The following PRELID2 variants were observed in gnomAD, a reference collection of about 807,000 sequenced individuals.
PRELID2 encodes the protein PRELI domain-containing protein 2.
A neutral mutation model predicts 28.4 loss-of-function variants in PRELID2; 25 were observed. The observed-to-expected ratio is 0.88, with a 90% CI of 0.64 to 1.23. The LOEUF (loss-of-function observed/expected upper bound fraction) is 1.23, where lower values mean the gene tolerates loss of function less well. PRELID2 is among the 50% of genes most tolerant of loss of function. The pLI, the probability that PRELID2 is intolerant of heterozygous loss-of-function variation, is 0.00. For missense variants in PRELID2, 201 were observed against 214.4 expected, an observed-to-expected ratio of 0.94 and a Z score of 0.39; for synonymous variants, 76 against 71.6, an observed-to-expected ratio of 1.06 and a Z score of -0.31.
In PRELID2 at chr5:145,823,077, C is replaced by G. The variant is rs1754940934; in HGVS notation, c.133G>C (p.Asp45His). 1 of 1,495,530 alleles carries G rather than the reference C, an allele frequency of 6.7e-7. No individual in the cohort carries two copies. The highest frequency in any genetic ancestry group is 1.1e-5 in the South Asian group (1 of 88,550). The allele number at this position is 1,495,530 out of a possible 1,614,324, so 92.6% of individuals were successfully genotyped here. The change falls in exon 2 of 7, where the codon GAT becomes CAT. Residue 45 changes from aspartate to histidine, a missense_variant and splice_region_variant. Physicochemically the swap from Asp to His is moderately conservative, Grantham distance 81. Coordinates refer to ENST00000683046, the MANE Select transcript of PRELID2 (RefSeq NM_205846.3). ...ISVKIMEEKR[D>H]ESTGVIYRKR... Reference sequence around the variant, plus strand: ...TGAAAAAACTGTACAGAGAACTTACCTCTTTTTTCCTCCATGATTTTTACT... The same window carrying G: ...TGAAAAAACTGTACAGAGAACTTACGTCTTTTTTCCTCCATGATTTTTACT...
chr5:145,580,275 A>G (rs1214915190), intron 1 of PRELID2, among the ~76,000 whole-genome samples: 1 of 152,088 alleles, frequency 6.6e-6, no homozygotes, highest in African/African-American at 2.4e-5. Context: ...TGTTGTCAGA[A>G]GGAGAGTTAT....
intron 1 of PRELID2, among the ~76,000 whole-genome samples, chr5:145,530,885 T>G (rs1752649534): frequency 6.6e-6 from 1 of 152,010 alleles, no homozygotes; most frequent in Admixed American, 6.6e-5. Flanking sequence ...CCGCTAATAC[T>G]CCATCTTGAG....
intron 1 of PRELID2, among the ~76,000 whole-genome samples, chr5:145,654,858 T>C (rs190852968): frequency 0.016 from 2,450 of 152,230 alleles, 69 homozygotes; most frequent in African/African-American, 0.056. Context: ...ATGCCCTCTC[T>C]CGCCACTCCT....
the PRELID2 span, among the ~76,000 whole-genome samples, chr5:145,386,279 A>AC: frequency 1.3e-5 from 2 of 151,752 alleles, no homozygotes; most frequent in Non-Finnish European, 2.9e-5. Flanking sequence ...GGAGGTAACC[A>AC]CCCCCATGAT....
chr5:145,761,484 C>A (rs942173158), intron 6 of PRELID2, among the ~76,000 whole-genome samples: 3 of 152,182 alleles, frequency 2.0e-5, no homozygotes, highest in African/African-American at 4.8e-5. Flanking sequence ...GAAAAACAAA[C>A]TGTCAAACTA....
intron 1 of PRELID2, among the ~76,000 whole-genome samples, chr5:145,636,614 C>T (rs913749504): frequency 1.3e-5 from 2 of 152,224 alleles, no homozygotes; most frequent in African/African-American, 4.8e-5. Context: ...ACTGGCACAG[C>T]CAGTTCTCAG....
At chr5:145,265,376 G>GA in the PRELID2 span, among the ~76,000 whole-genome samples, 1 of 152,000 alleles carries the variant, frequency 6.6e-6, no homozygotes. Flanking sequence ...TTAACATTGT[G>GA]AAAATGACCA....
At chr5:145,639,150 G>A (rs1045238970) in intron 1 of PRELID2, among the ~76,000 whole-genome samples, 1 of 152,132 alleles carries the variant, frequency 6.6e-6, no homozygotes, top group African/African-American at 2.4e-5. Context: ...TACAGAGCAG[G>A]TTTCAAACTG....
chr5:145,478,787 C>T (rs1299153202), intron 1 of PRELID2, among the ~76,000 whole-genome samples: 6 of 152,126 alleles, frequency 3.9e-5, no homozygotes, highest in Non-Finnish European at 8.8e-5. Flanking sequence ...TATTCGATAA[C>T]TATTTTACCC....
At chr5:145,385,589 C>T in the PRELID2 span, among the ~76,000 whole-genome samples, 3 of 152,170 alleles carry the variant, frequency 2.0e-5, no homozygotes, top group African/African-American at 4.8e-5. Flanking sequence ...GCAACTCATA[C>T]ATTTTTCACT....
intron 1 of PRELID2, among the ~76,000 whole-genome samples, chr5:145,478,198 C>T (rs554283998): frequency 6.6e-6 from 1 of 152,140 alleles, no homozygotes; most frequent in Admixed American, 6.5e-5. Context: ...GTGGCTAGTT[C>T]AAATAGAGCT....
the PRELID2 span, among the ~76,000 whole-genome samples, chr5:145,246,266 C>T: frequency 7.2e-5 from 11 of 152,018 alleles, no homozygotes; most frequent in Non-Finnish European, 1.5e-4. Context: ...ACTGCAGAAG[C>T]GTGGGGTTTA....
At chr5:145,749,393 G>A (rs1056630858) in intron 1 of PRELID2, among the ~76,000 whole-genome samples, 15 of 152,168 alleles carry the variant, frequency 9.9e-5, no homozygotes, top group African/African-American at 3.6e-4. Flanking sequence ...TTAGAGAAAT[G>A]CAAATCAAAA....
At chr5:145,233,603 A>G in the PRELID2 span, among the ~76,000 whole-genome samples, 1 of 152,184 alleles carries the variant, frequency 6.6e-6, no homozygotes, top group Admixed American at 6.5e-5. Context: ...AAGATAGAGC[A>G]GACTTGCCTC....
At chr5:145,413,872 G>T in the PRELID2 span, among the ~76,000 whole-genome samples, 292 of 151,972 alleles carry the variant, frequency 1.9e-3, 3 homozygotes, top group African/African-American at 6.7e-3. Context: ...CATATAACAG[G>T]ATTTTCTTTT....
chr5:145,584,777 C>A (rs1753138039), intron 1 of PRELID2, among the ~76,000 whole-genome samples: 1 of 151,804 alleles, frequency 6.6e-6, no homozygotes, highest in African/African-American at 2.4e-5. Context: ...AAAAAGTAAT[C>A]ATCACCAGCA....
intron 1 of PRELID2, among the ~76,000 whole-genome samples, chr5:145,683,380 G>A (rs950898496): frequency 2.6e-5 from 4 of 152,164 alleles, no homozygotes; most frequent in Non-Finnish European, 5.9e-5. Flanking sequence ...GTATACTGGT[G>A]TGCTAGGGCT....
the PRELID2 span, among the ~76,000 whole-genome samples, chr5:145,459,771 C>T: frequency 6.6e-6 from 1 of 151,582 alleles, no homozygotes; most frequent in Admixed American, 6.6e-5. Context: ...CTATAGTTTC[C>T]TAAATAGAAT....
intron 1 of PRELID2, among the ~76,000 whole-genome samples, chr5:145,690,384 C>A (rs1040399434): frequency 6.6e-6 from 1 of 152,136 alleles, no homozygotes; most frequent in Non-Finnish European, 1.5e-5. Context: ...CCAATCAGAA[C>A]GCCACGTGTT....
Sources: allele counts gnomAD v4.1 joint callset (sites outside exome capture counted in the v4.1 genomes callset), GRCh38; gene constraint gnomAD v4.1.1; transcripts MANE v1.5; gene names NCBI Gene and HGNC (gene_info 2026-07-23, HGNC 2026-07-21).